The following GDAP2 variants were observed in gnomAD, a reference collection of about 807,000 sequenced individuals.
GDAP2 encodes the protein ganglioside induced differentiation associated protein 2, also known as ganglioside-induced differentiation-associated protein 2.
GDAP2 carries 51 observed loss-of-function variants against 67.0 expected under a neutral mutation model. The ratio of observed to expected loss-of-function variants is 0.76; its 90% CI spans 0.61 to 0.96. The LOEUF is 0.96. GDAP2 is among the 40% of genes least tolerant of loss of function. The pLI is 0.00. For synonymous variants in GDAP2, 203 were observed against 207.3 expected (o/e 0.98, Z 0.18); for missense variants, 547 against 588.3 (o/e 0.93, Z 0.73).
At chr1:117,887,887 C>T (rs1350643416) in intron 8 of GDAP2, 113 bp from the exon 9 acceptor site, 1 of 632,286 alleles carries the variant, frequency 1.6e-6, no homozygotes, top group Non-Finnish European at 2.8e-6. Flanking sequence ...GTATATATTT[C>T]ATTATAATAG....
chr1:117,870,654 A>C (rs111265363), intron 13 of GDAP2, 38 bp from the exon 14 acceptor site: 9 of 1,324,156 alleles, frequency 6.8e-6, no homozygotes, highest in Middle Eastern at 1.8e-4. Context: ...TTTAAGTAAC[A>C]GAACCAATTT....
intron 6 of GDAP2, among the ~76,000 whole-genome samples, chr1:117,906,289 C>T (rs1649654615): frequency 6.6e-6 from 1 of 152,172 alleles, no homozygotes; most frequent in African/African-American, 2.4e-5. Context: ...ACAGCAACAA[C>T]AGTTATAAAA....
At chr1:117,909,951 A>G (rs570251025) in intron 5 of GDAP2, among the ~76,000 whole-genome samples, 5 of 152,322 alleles carry the variant, frequency 3.3e-5, no homozygotes, top group Admixed American at 2.6e-4. Context: ...TTACCTTAAT[A>G]AAAAATAGAT....
chr1:117,913,920 C>G (rs1454145644), intron 3 of GDAP2, among the ~76,000 whole-genome samples: 1 of 152,148 alleles, frequency 6.6e-6, no homozygotes, highest in Non-Finnish European at 1.5e-5. Context: ...AGTCTGCTCC[C>G]TCTCTCTGCC....
chr1:117,880,265 C>A (rs1209783514), intron 12 of GDAP2, among the ~76,000 whole-genome samples: 3 of 151,980 alleles, frequency 2.0e-5, no homozygotes, highest in Admixed American at 2.0e-4. Flanking sequence ...AGAAACCAGG[C>A]AAGGTAAGTT....
intron 6 of GDAP2, among the ~76,000 whole-genome samples, chr1:117,900,312 G>A (rs2101140172): frequency 6.6e-6 from 1 of 152,196 alleles, no homozygotes; most frequent in South Asian, 2.1e-4. Flanking sequence ...TATTCACAAA[G>A]GGGGTACAAG....
chr1:117,902,998 CA>C (rs1166409998), intron 6 of GDAP2, among the ~76,000 whole-genome samples: 3 of 152,092 alleles, frequency 2.0e-5, no homozygotes, highest in African/African-American at 7.2e-5. Context: ...AAGTATAGTT[CA>C]AATATTTGAT....
chr1:117,920,525 G>T (rs1035628098), intron 1 of GDAP2, 101 bp from the exon 2 acceptor site: 1 of 458,692 alleles, frequency 2.2e-6, no homozygotes, highest in Non-Finnish European at 3.9e-6. Context: ...TATCCCAATA[G>T]TATATTGTGT....
intron 3 of GDAP2, among the ~76,000 whole-genome samples, chr1:117,915,978 G>A (rs1650033606): frequency 6.6e-6 from 1 of 152,024 alleles, no homozygotes; most frequent in Non-Finnish European, 1.5e-5. Flanking sequence ...GCTAATCCTA[G>A]CTCTTTAAAT....
rs1232323273 is a variant in GDAP2, at chr1:117,866,042, C to G, written c.*4527G>C. 1 of 152,162 alleles carries G rather than the reference C, an allele frequency of 6.6e-6. No homozygotes were observed. Among genetic ancestry groups the G allele is most frequent in the African/African-American group, 2.4e-5 (1 of 41,426 alleles). The allele number at this position is 152,162 out of a possible 1,614,324, so 9.4% of individuals were successfully genotyped here. On this transcript the variant is annotated 3_prime_UTR_variant, in exon 14 of 14. Transcript: ENST00000369443. ...GCCTACCAGGCAATCCTTATCATCT[C>G]TGGGTTTATGATATGACCTAGATTA...
At chr1:117,903,019 G>A (rs981876600) in intron 6 of GDAP2, among the ~76,000 whole-genome samples, 1 of 151,960 alleles carries the variant, frequency 6.6e-6, no homozygotes, top group African/African-American at 2.4e-5. Context: ...TTCTTTTTTT[G>A]ATGCTACTCT....
intron 3 of GDAP2, among the ~76,000 whole-genome samples, chr1:117,918,166 A>G (rs1373784362): frequency 9.9e-5 from 15 of 152,224 alleles, no homozygotes; most frequent in Admixed American, 8.5e-4. Context: ...GTTTTTATAC[A>G]ATGGGAAGAT....
rs1648293235 is a variant in GDAP2, at chr1:117,871,730, A to T, written c.1447-1114T>A. On this transcript the variant is annotated intron_variant, in intron 13 of 13. Transcript: ENST00000369443. ...AGGAAAACTTACATTCCAATTATAAACCTAACCATGTATCAAACAAAATAA... is the reference window on the plus strand; with the variant it reads ...AGGAAAACTTACATTCCAATTATAATCCTAACCATGTATCAAACAAAATAA... Among the ~76,000 whole-genome samples the T allele has an allele frequency of 2.0e-5, 3 of 152,120 alleles. 1 individual carries two copies. In the South Asian group the frequency reaches 6.2e-4, roughly 32 times the overall value.
intron 3 of GDAP2, among the ~76,000 whole-genome samples, chr1:117,916,566 G>C (rs1650052249): frequency 6.6e-6 from 1 of 152,210 alleles, no homozygotes; most frequent in Admixed American, 6.5e-5. Flanking sequence ...GAGACCAGCT[G>C]GGAGAGAGGA....
intron 1 of GDAP2, among the ~76,000 whole-genome samples, chr1:117,923,432 C>A (rs1650329817): frequency 6.6e-6 from 1 of 152,194 alleles, no homozygotes; most frequent in Non-Finnish European, 1.5e-5. Context: ...TAATAAATGT[C>A]CATGAAATCC....
At chr1:117,902,431 T>TTG (rs1649511565) in intron 6 of GDAP2, among the ~76,000 whole-genome samples, 1 of 152,356 alleles carries the variant, frequency 6.6e-6, no homozygotes, top group African/African-American at 2.4e-5. Context: ...GTTTTATAAC[T>TTG]TTAGCTCTTA....
chr1:117,878,853 C>G (rs190894781), intron 12 of GDAP2, among the ~76,000 whole-genome samples: 1 of 152,274 alleles, frequency 6.6e-6, no homozygotes, highest in East Asian at 1.9e-4. Context: ...TCTAAATTGG[C>G]AATCACAAAT....
intron 13 of GDAP2, among the ~76,000 whole-genome samples, chr1:117,871,803 C>T (rs1648295487): frequency 6.6e-6 from 1 of 152,020 alleles, no homozygotes; most frequent in African/African-American, 2.4e-5. Context: ...TTTCTAAAAA[C>T]TTGAAAAACC....
At position 117,896,853 on chromosome 1, in the gene GDAP2, C is replaced by T; in HGVS notation, c.933G>A (p.Leu311=). ...CTTACTTTCTTTGATGCTGCTTCTG[C>T]AGAGCTGCCTCTGATAATTGTCCCT... ...ILQGQLSEAA[L]QKQHQRNYNR... is the part of the protein sequence containing the mutation. Residue 311 remains leucine, a synonymous_variant, in exon 8 of 14, where the codon CTG becomes CTA. Coordinates refer to ENST00000369443, the MANE Select transcript of GDAP2 (RefSeq NM_017686.4). 1 of 1,611,932 alleles carries T rather than the reference C, an allele frequency of 6.2e-7. No homozygotes were observed. The highest frequency in any genetic ancestry group is 1.3e-5 in the African/African-American group (1 of 74,916).
Sources: gnomAD v4.1 joint callset for allele counts (sites outside exome capture counted in the v4.1 genomes callset) on GRCh38, gnomAD v4.1.1 for gene constraint, MANE v1.5 for transcripts, NCBI Gene and HGNC (gene_info 2026-07-23, HGNC 2026-07-21) for gene names.